DYM: variants seen among roughly 807,000 people sequenced by gnomAD.
DYM encodes the protein dyggve-Melchior-Clausen syndrome protein.
DYM carries 78 observed loss-of-function variants against 93.1 expected under a neutral mutation model. The ratio of observed to expected loss-of-function variants is 0.84; its 90% CI spans 0.70 to 1.01. The LOEUF (loss-of-function observed/expected upper bound fraction) is 1.01. Ranked by LOEUF, DYM falls within the 50% of genes least tolerant of loss-of-function variation. The probability of loss-of-function intolerance (pLI) is 0.00; values close to 1 mark genes in which losing one functional copy is unlikely to be tolerated. For synonymous variants in DYM, 321 were observed against 319.7 expected (o/e 1.00, Z -0.04); for missense variants, 789 against 845.0 (o/e 0.93, Z 0.82).
At chr18:49,219,446 A>T (rs1323251713) in intron 13 of DYM, among the ~76,000 whole-genome samples, 1 of 152,176 alleles carries the variant, frequency 6.6e-6, no homozygotes, top group Non-Finnish European at 1.5e-5. Flanking sequence ...TGGCAGAGAC[A>T]CAACCAAAAA....
intron 10 of DYM, among the ~76,000 whole-genome samples, chr18:49,273,143 G>A (rs549823239): frequency 3.9e-5 from 6 of 152,298 alleles, no homozygotes; most frequent in Admixed American, 2.6e-4. Flanking sequence ...TGGGGCATAC[G>A]TGTTTTGACA....
intron 15 of DYM, among the ~76,000 whole-genome samples, chr18:49,121,708 G>A (rs752184667): frequency 2.0e-4 from 30 of 152,232 alleles, no homozygotes; most frequent in Admixed American, 1.1e-3. Flanking sequence ...ATTAAATACA[G>A]AGGCACAAAG....
intron 14 of DYM, among the ~76,000 whole-genome samples, chr18:49,171,368 T>C (rs1164418658): frequency 6.6e-6 from 1 of 152,062 alleles, no homozygotes; most frequent in Non-Finnish European, 1.5e-5. Flanking sequence ...CATGCCTCAG[T>C]CCTTCCTCTA....
intron 15 of DYM, among the ~76,000 whole-genome samples, chr18:49,160,417 T>A (rs1309646760): frequency 6.6e-6 from 1 of 152,168 alleles, no homozygotes; most frequent in African/African-American, 2.4e-5. Context: ...AGGATAAACA[T>A]TTTCTTAATA....
chr18:49,279,584 C>T (rs1458532520), intron 10 of DYM, among the ~76,000 whole-genome samples: 2 of 152,178 alleles, frequency 1.3e-5, no homozygotes, highest in Non-Finnish European at 2.9e-5. Context: ...CCGGGTATGT[C>T]ATCAAACGCA....
intron 15 of DYM, among the ~76,000 whole-genome samples, chr18:49,159,865 C>A (rs1395988119): frequency 2.0e-5 from 3 of 152,156 alleles, no homozygotes; most frequent in Non-Finnish European, 4.4e-5. Context: ...TTATATGGTA[C>A]AGTAACAATA....
At chr18:49,099,531 A>G (rs900279904) in intron 16 of DYM, among the ~76,000 whole-genome samples, 1 of 152,234 alleles carries the variant, frequency 6.6e-6, no homozygotes, top group African/African-American at 2.4e-5. Context: ...AATATACTAC[A>G]GCACTGATGT....
At chr18:49,426,620 C>T (rs1436381263) in intron 2 of DYM, among the ~76,000 whole-genome samples, 6 of 151,576 alleles carry the variant, frequency 4.0e-5, no homozygotes, top group Non-Finnish European at 7.4e-5. Context: ...AATACCAATA[C>T]CCCTTAAACA....
chr18:49,428,451 G>A (rs1299965340), intron 2 of DYM, among the ~76,000 whole-genome samples: 1 of 152,178 alleles, frequency 6.6e-6, no homozygotes, highest in East Asian at 1.9e-4. Flanking sequence ...TTGGGAGGCT[G>A]AGGAAGGTGA....
chr18:49,292,355 G>GACACACACACACACACACAC (rs57025579), intron 8 of DYM, among the ~76,000 whole-genome samples: 30 of 84,730 alleles, frequency 3.5e-4, no homozygotes, highest in East Asian at 3.4e-3. Flanking sequence ...CAGACAGACA[G>GACACACACACACACACACAC]ACACACACAC....
chr18:49,444,941 G>A (rs1016767264), intron 1 of DYM, among the ~76,000 whole-genome samples: 16 of 152,108 alleles, frequency 1.1e-4, no homozygotes, highest in African/African-American at 3.6e-4. Context: ...GGTTAATGCT[G>A]CATCTATAAT....
intron 10 of DYM, among the ~76,000 whole-genome samples, chr18:49,279,112 T>G (rs953450350): frequency 2.0e-5 from 3 of 152,206 alleles, no homozygotes; most frequent in African/African-American, 7.2e-5. Context: ...ACTGTATTGT[T>G]ATTCTAATAG....
intron 17 of DYM, among the ~76,000 whole-genome samples, chr18:49,079,859 C>T (rs2077650257): frequency 6.6e-6 from 1 of 151,496 alleles, no homozygotes; most frequent in Non-Finnish European, 1.5e-5. Context: ...CCACCTTCCC[C>T]CCCTTTCTAT....
intron 13 of DYM, among the ~76,000 whole-genome samples, chr18:49,212,678 C>T (rs12961303): frequency 0.59 from 89,501 of 151,844 alleles, 28,735 homozygotes; most frequent in Non-Finnish European, 0.74. Context: ...AAAATTTTTA[C>T]TAGAGGCAGG....
chr18:49,296,220 A>C (rs868668303), intron 8 of DYM, among the ~76,000 whole-genome samples: 30 of 152,150 alleles, frequency 2.0e-4, no homozygotes, highest in African/African-American at 7.2e-4. Flanking sequence ...CGAGCCACCC[A>C]AAACCATACT....
intron 14 of DYM, among the ~76,000 whole-genome samples, chr18:49,190,280 A>G (rs2090843954): frequency 6.6e-6 from 1 of 152,250 alleles, no homozygotes; most frequent in South Asian, 2.1e-4. Flanking sequence ...ATTCACTGAT[A>G]CTACATTGGT....
intron 16 of DYM, among the ~76,000 whole-genome samples, chr18:49,109,157 A>T (rs1268265653): frequency 2.0e-5 from 3 of 152,046 alleles, no homozygotes; most frequent in African/African-American, 7.2e-5. Flanking sequence ...TTTTTATCCA[A>T]TCTGAAAATT....
chr18:49,115,927 TC>T (rs1187611148), intron 16 of DYM: 1 of 152,150 alleles, frequency 6.6e-6, no homozygotes, highest in African/African-American at 2.4e-5. Flanking sequence ...TCCTTGGGAA[TC>T]CTTATAGCAG....
chr18:49,232,073 A>G (rs1239611536), intron 13 of DYM, among the ~76,000 whole-genome samples: 1 of 152,184 alleles, frequency 6.6e-6, no homozygotes. Context: ...TAAATTACAC[A>G]TGTGATTTTC....
Sources: gnomAD v4.1 joint callset for allele counts (sites outside exome capture counted in the v4.1 genomes callset) on GRCh38, gnomAD v4.1.1 for gene constraint, MANE v1.5 for transcripts, NCBI Gene and HGNC (gene_info 2026-07-23, HGNC 2026-07-21) for gene names.